Variants in RAD51AP1 observed in about 807,000 individuals in gnomAD.
The protein encoded by RAD51AP1 is RAD51 associated protein 1, also known as RAD51-associated protein 1.
In RAD51AP1, 14 loss-of-function variants were observed where a neutral mutation model predicts 34.3. That is an observed-to-expected ratio of 0.41 (90% CI 0.27 to 0.64). The LOEUF is 0.64. Ranked by LOEUF, RAD51AP1 falls within the 30% of genes least tolerant of loss-of-function variation. The pLI is 0.33. For synonymous variants in RAD51AP1, 114 were observed against 129.8 expected, an observed-to-expected ratio of 0.88 and a Z score of 0.83; for missense variants, 348 against 386.9, an observed-to-expected ratio of 0.90 and a Z score of 0.84.
chr12:4,553,504 C>T lies in RAD51AP1; in HGVS notation c.721+357C>T, dbSNP rs115236563. ...GGCTAGAATTTGAACCCATGTTTGT[C>T]CATTCAGAGTCTAAGCTGTATCTTG... is the stretch of plus-strand genomic sequence containing the variant. On this transcript the variant is annotated intron_variant, in intron 7 of 8. Coordinates refer to ENST00000352618, the MANE Select transcript of RAD51AP1 (RefSeq NM_006479.5). 1.7e-3 allele frequency among the ~76,000 whole-genome samples: 259 copies of T among 152,290 alleles called. 1 individual carries two copies. The highest frequency in any genetic ancestry group is 5.9e-3 in the African/African-American group (247 of 41,572).
Position 4,545,476 on chromosome 12 carries a change from A to G in RAD51AP1, c.210-833A>G, listed in dbSNP as rs372703929. Among the ~76,000 whole-genome samples, 56 of 152,330 alleles carry G rather than the reference A, an allele frequency of 3.7e-4. 1 individual carries two copies. The South Asian group carries it at 8.7e-3, about 24-fold the overall frequency. On this transcript the variant is annotated intron_variant, in intron 3 of 8. Transcript: ENST00000352618. ...GGGGTAATAAAGATGTTCTGAAATT[A>G]GGTAGTGTTGGTGGTTTTACAGCTC...
intron 8 of RAD51AP1, among the ~76,000 whole-genome samples, chr12:4,557,402 C>T (rs1051324760): frequency 1.1e-4 from 17 of 152,182 alleles, no homozygotes; most frequent in Admixed American, 1.3e-4. Context: ...ACTTAACTTA[C>T]AGAGTCTTCA....
At chr12:4,548,606 T>C in intron 5 of RAD51AP1, 81 bp from the exon 6 acceptor site, 2 of 1,461,546 alleles carry the variant, frequency 1.4e-6, no homozygotes, top group Admixed American at 1.9e-5. Flanking sequence ...AAACAATAGC[T>C]GTAATAGAGT....
chr12:4,552,796 C>T (rs1944555497), intron 6 of RAD51AP1, among the ~76,000 whole-genome samples, 187 bp from the exon 7 acceptor site: 1 of 152,196 alleles, frequency 6.6e-6, no homozygotes, highest in Non-Finnish European at 1.5e-5. Flanking sequence ...AACTGAGGCT[C>T]AGTGAAGTTA....
At chr12:4,540,070 G>A (rs963712846) in intron 1 of RAD51AP1, among the ~76,000 whole-genome samples, 6 of 152,076 alleles carry the variant, frequency 3.9e-5, no homozygotes, top group African/African-American at 1.4e-4. Context: ...GATGTATTTC[G>A]GAGGCACTGT....
rs373001194 is a variant in RAD51AP1, at chr12:4,559,042, G to A, written c.*49G>A. 2.0e-5 allele frequency: 31 copies of A among 1,587,226 alleles called. No homozygotes were observed. In the African/African-American group the frequency reaches 3.9e-4, roughly 20 times the overall value. ...GTTGGGAGAATCACAGCTTTACAAG[G>A]GTGTTTATATTTGATTTGTGTTTAT... is the stretch of plus-strand genomic sequence containing the variant. On this transcript the variant is annotated 3_prime_UTR_variant, in exon 9 of 9. Transcript: ENST00000352618.
chr12:4,548,055 A>T (rs372310168), intron 4 of RAD51AP1, 37 bp from the exon 5 acceptor site: 57 of 1,558,662 alleles, frequency 3.7e-5, no homozygotes, highest in Non-Finnish European at 4.7e-5. Context: ...ATTGATTAAG[A>T]TATATCTGAA....
intron 7 of RAD51AP1, among the ~76,000 whole-genome samples, chr12:4,553,664 C>G (rs1944562873): frequency 6.7e-6 from 1 of 149,644 alleles, no homozygotes; most frequent in South Asian, 2.2e-4. Flanking sequence ...TTCCCCAAAA[C>G]AAATTCCATT....
chr12:4,558,347 CTG>C (rs768685815), intron 8 of RAD51AP1, among the ~76,000 whole-genome samples: 2 of 151,994 alleles, frequency 1.3e-5, no homozygotes, highest in Non-Finnish European at 2.9e-5. Context: ...TCACCATCAA[CTG>C]TGAACATTCA....
At chr12:4,556,059 G>A (rs188139178) in intron 7 of RAD51AP1, among the ~76,000 whole-genome samples, 5,507 of 152,230 alleles carry the variant, frequency 0.036, 327 homozygotes, top group African/African-American at 0.12. Context: ...CTAGCTGTCA[G>A]ACTACAGGCA....
In RAD51AP1 at chr12:4,559,035, T is replaced by G; in HGVS notation, c.*42T>G. The G allele has an allele frequency of 6.3e-7, 1 of 1,599,244 alleles. No individual in the cohort carries two copies. On this transcript the variant is annotated 3_prime_UTR_variant, in exon 9 of 9. Transcript: ENST00000352618. ...ATGTTTGGTTGGGAGAATCACAGCT[T>G]TACAAGGGTGTTTATATTTGATTTG...
At chr12:4,546,898 ATATAT>A (rs1341357092) in intron 4 of RAD51AP1, among the ~76,000 whole-genome samples, 1 of 152,172 alleles carries the variant, frequency 6.6e-6, no homozygotes, top group Non-Finnish European at 1.5e-5. Flanking sequence ...TTTTCTGGCA[ATATAT>A]TAATATTCTA....
At chr12:4,539,087 C>T in intron 1 of RAD51AP1, 131 bp downstream of exon 1, 1 of 976,840 alleles carries the variant, frequency 1.0e-6, no homozygotes, top group Non-Finnish European at 1.5e-6. Context: ...ATCAAGAACC[C>T]AGTCTCCAGT....
chr12:4,556,607 A>G (rs756342451), intron 8 of RAD51AP1, 105 bp downstream of exon 8: 21 of 1,347,710 alleles, frequency 1.6e-5, no homozygotes, highest in Non-Finnish European at 1.8e-5. Context: ...ATATTATTAC[A>G]TATTCTTCAA....
rs552529493 is a variant in RAD51AP1, at chr12:4,541,757, C to T, written c.18-127C>T. The T allele has an allele frequency of 5.5e-5, 16 of 291,782 alleles. No homozygotes were observed. The East Asian group carries it at 6.2e-4, about 11-fold the overall frequency. 18.1% of individuals were successfully genotyped at this position (291,782 alleles called of 1,614,324 possible). A position where few individuals can be genotyped will look rare whatever the true frequency, so the allele number is the denominator to read the frequency against. On this transcript the variant is annotated intron_variant, in intron 1 of 8. Coordinates refer to ENST00000352618, the MANE Select transcript of RAD51AP1 (RefSeq NM_006479.5). ...TCATTTAACACATTTTTATTTATTT[C>T]GTTTATTCATTATTTATTAATAAAT...
In RAD51AP1 at chr12:4,545,825, T is replaced by G. The variant is rs142666627; in HGVS notation, c.210-484T>G. 17 of 1,612,532 alleles carry G rather than the reference T, an allele frequency of 1.1e-5. No individual in the cohort carries two copies. In the East Asian group the frequency reaches 3.1e-4, roughly 30 times the overall value. On this transcript the variant is annotated intron_variant, in intron 3 of 8. Transcript: ENST00000352618. Reference sequence around the variant, plus strand: ...TAGTATTCCAGCTAGTGCAGTGCCTTGTACAAAGTAAGTGCTTGGTAAAAT... The same window carrying G: ...TAGTATTCCAGCTAGTGCAGTGCCTGGTACAAAGTAAGTGCTTGGTAAAAT...
intron 2 of RAD51AP1, 84 bp from the exon 3 acceptor site, chr12:4,543,679 T>C: frequency 1.0e-6 from 1 of 962,128 alleles, no homozygotes; most frequent in Non-Finnish European, 1.5e-6. Flanking sequence ...GCCTAGCCTA[T>C]AAAAACTTGA....
intron 5 of RAD51AP1, 72 bp downstream of exon 5, chr12:4,548,250 A>G (rs960013544): frequency 1.4e-5 from 22 of 1,558,406 alleles, no homozygotes; most frequent in Non-Finnish European, 1.6e-5. Context: ...AATTGCTGAA[A>G]TTGTGGCTAG....
At position 4,543,902 on chromosome 12, in the gene RAD51AP1, A is replaced by C; in HGVS notation, c.207A>C (p.Lys69Asn). ...CAGTACAAGAGAAAACCCCTAAAAA[A>C]AGGTGAGAGGTAAGACATGCAGTAA... ...EIPVQEKTPK[K>N]RMALDDKLYQ... is the part of the protein sequence containing the mutation. The change falls in exon 3 of 9, where the codon AAA becomes AAC. Residue 69 changes from lysine (K) to asparagine (N), a missense_variant and splice_region_variant. Transcript: ENST00000352618. 1 of 1,606,890 alleles carries C rather than the reference A, an allele frequency of 6.2e-7. No individual in the cohort carries two copies. The highest frequency in any genetic ancestry group is 1.7e-4 in the Middle Eastern group (1 of 6,024).
Sources: gnomAD v4.1 joint callset for allele counts (sites outside exome capture counted in the v4.1 genomes callset) on GRCh38, gnomAD v4.1.1 for gene constraint, MANE v1.5 for transcripts, NCBI Gene and HGNC (gene_info 2026-07-23, HGNC 2026-07-21) for gene names.